The following WDR19 variants were observed in gnomAD, a reference collection of about 807,000 sequenced individuals.
The protein encoded by WDR19 is WD repeat-containing protein 19.
Under a neutral mutation model 180.0 loss-of-function variants are expected in WDR19, and 121 were observed. That is an observed-to-expected ratio of 0.67 (90% CI 0.58 to 0.78). WDR19 has a LOEUF of 0.78. Among genes scored for constraint, WDR19 ranks in the 30% least tolerant of loss-of-function variants. WDR19 has a pLI of 0.00. For synonymous variants in WDR19, 497 were observed against 540.7 expected (o/e 0.92, Z 1.12); for missense variants, 1,450 against 1,640.7 (o/e 0.88, Z 2.01).
rs1000516079 is a variant in WDR19 at position 39,253,251 on chromosome 4, T to C, written c.2835T>C (p.Val945=). The change falls in exon 25 of 37, where the codon GTT becomes GTC. Residue 945 remains valine, a synonymous_variant. Coordinates refer to ENST00000399820, the MANE Select transcript of WDR19 (RefSeq NM_025132.4). ...LNNPEKAVNI[V]RETQSLDGAK... is the part of the protein sequence containing the mutation. ...ATCCTGAAAAAGCTGTCAATATTGT[T>C]AGAGAGACCCAGTCTCTGGATGGAG... The C allele has an allele frequency of 1.2e-6, 2 of 1,613,396 alleles. No individual in the cohort carries two copies. The highest frequency in any genetic ancestry group is 2.7e-5 in the African/African-American group (2 of 74,912).
intron 33 of WDR19, among the ~76,000 whole-genome samples, chr4:39,275,796 T>C (rs1405791531): frequency 2.0e-5 from 3 of 151,970 alleles, no homozygotes; most frequent in Non-Finnish European, 4.4e-5. Context: ...CAAAGAGGGA[T>C]GAAGAAAATA....
chr4:39,279,833 G>T (rs756016114), intron 36 of WDR19, among the ~76,000 whole-genome samples: 1 of 151,578 alleles, frequency 6.6e-6, no homozygotes, highest in Admixed American at 6.6e-5. Context: ...TCCCTGAGTA[G>T]CTAGGACTAC....
At chr4:39,261,718 T>C (rs1451719510) in intron 28 of WDR19, among the ~76,000 whole-genome samples, 2 of 152,210 alleles carry the variant, frequency 1.3e-5, no homozygotes, top group Non-Finnish European at 2.9e-5. Context: ...GCTGAAGGAA[T>C]GAATATTAGA....
rs12108609 is a variant in WDR19 at position 39,229,861 on chromosome 4, C to T, written c.1982+1171C>T. Among the ~76,000 whole-genome samples, 1,114 of 152,288 alleles carry T rather than the reference C, an allele frequency of 7.3e-3. 20 individuals carry two copies. The highest frequency in any genetic ancestry group is 0.025 in the African/African-American group (1,050 of 41,542). On this transcript the variant is annotated intron_variant, in intron 17 of 36. Transcript: ENST00000399820. The stretch of plus-strand genomic sequence containing the variant: ...TTTCTAAAACTGAACTCATCAATTT[C>T]CACAGGCCCCTATTTTCCCTCACTG...
At chr4:39,229,792 C>T (rs1730651122) in intron 17 of WDR19, among the ~76,000 whole-genome samples, 1 of 152,188 alleles carries the variant, frequency 6.6e-6, no homozygotes, top group Non-Finnish European at 1.5e-5. Context: ...AACTACCTTC[C>T]AGTCATGTGT....
intron 12 of WDR19, among the ~76,000 whole-genome samples, chr4:39,216,536 C>T (rs1577902259): frequency 6.6e-6 from 1 of 152,172 alleles, no homozygotes; most frequent in East Asian, 1.9e-4. Context: ...GAGCCTTACT[C>T]ATCTGGAAAA....
At chr4:39,184,162 T>C (rs558070237) in intron 1 of WDR19, among the ~76,000 whole-genome samples, 11 of 152,264 alleles carry the variant, frequency 7.2e-5, no homozygotes, top group South Asian at 2.1e-4. Context: ...ATCCCAGCAC[T>C]TTGGGACGCC....
chr4:39,281,870 G>A (rs1393144335), intron 36 of WDR19, among the ~76,000 whole-genome samples: 1 of 152,100 alleles, frequency 6.6e-6, no homozygotes, highest in Non-Finnish European at 1.5e-5. Flanking sequence ...CTTTGGCGGG[G>A]GGAGGATTCT....
chr4:39,199,430 T>C (rs760182023), intron 5 of WDR19, 48 bp from the exon 6 acceptor site: 42 of 1,463,040 alleles, frequency 2.9e-5, no homozygotes, highest in Non-Finnish European at 4.0e-5. Flanking sequence ...CACAGATTTT[T>C]TTCTTTGAGA....
intron 31 of WDR19, among the ~76,000 whole-genome samples, chr4:39,271,152 C>CT (rs1322090425): frequency 6.6e-6 from 1 of 152,174 alleles, no homozygotes; most frequent in African/African-American, 2.4e-5. Flanking sequence ...CTGCCTCGGC[C>CT]TCCCAAAGTG....
At position 39,204,376 on chromosome 4, in the gene WDR19, C is replaced by T. The variant is rs547715041; in HGVS notation, c.603+654C>T. Among the ~76,000 whole-genome samples the T allele has an allele frequency of 7.2e-5, 11 of 152,310 alleles. No homozygotes were observed. In the East Asian group the frequency reaches 2.1e-3, roughly 29 times the overall value. The stretch of plus-strand genomic sequence containing the variant: ...CTGGGATTACAGGCGTGAGCCACCG[C>T]ACCCGGCCAAAGTTGTAGCTTTTGG... On this transcript the variant is annotated intron_variant, in intron 7 of 36. Transcript: ENST00000399820.
intron 21 of WDR19, among the ~76,000 whole-genome samples, chr4:39,243,662 A>G (rs1732202301): frequency 6.6e-6 from 1 of 152,236 alleles, no homozygotes; most frequent in Non-Finnish European, 1.5e-5. Flanking sequence ...CCATATTTCA[A>G]ATGCCCAGTA....
intron 9 of WDR19, among the ~76,000 whole-genome samples, chr4:39,213,349 G>A (rs1383189415): frequency 6.6e-6 from 1 of 152,118 alleles, no homozygotes; most frequent in Non-Finnish European, 1.5e-5. Flanking sequence ...GTCCTTCAGT[G>A]GGTGAATGGT....
At chr4:39,237,706 T>A (rs1731518197) in intron 20 of WDR19, 1 of 152,216 alleles carries the variant, frequency 6.6e-6, no homozygotes, top group Non-Finnish European at 1.5e-5. Context: ...TCCTTATAAA[T>A]GCCTATACCA....
intron 14 of WDR19, among the ~76,000 whole-genome samples, chr4:39,224,215 A>G (rs898834004): frequency 8.5e-5 from 13 of 152,142 alleles, no homozygotes; most frequent in African/African-American, 3.1e-4. Context: ...ATTTATTAAT[A>G]GCAAAAAATT....
At chr4:39,267,554 G>T (rs1394818811) in intron 29 of WDR19, among the ~76,000 whole-genome samples, 1 of 152,216 alleles carries the variant, frequency 6.6e-6, no homozygotes, top group African/African-American at 2.4e-5. Context: ...AGAGAAAATT[G>T]ATATGCATAT....
chr4:39,218,390 T>C, intron 14 of WDR19: 1 of 401,250 alleles, frequency 2.5e-6, no homozygotes, highest in Non-Finnish European at 4.5e-6. Context: ...TGGTAGAGCC[T>C]ATTGCTCCTA....
Position 39,228,360 on chromosome 4 carries a change from AC to A in WDR19, c.1777+4del. The stretch of plus-strand genomic sequence containing the variant: ...CTTTCACAAGGACACTATACAAGGT[AC>A]TAAACCCCTTTTGTGTATATTCGCT... On this transcript the variant is annotated splice_donor_region_variant and intron_variant, in intron 16 of 36. Coordinates refer to ENST00000399820, the MANE Select transcript of WDR19 (RefSeq NM_025132.4). 1 of 1,606,494 alleles carries A rather than the reference AC, an allele frequency of 6.2e-7. No individual in the cohort carries two copies. The highest frequency in any genetic ancestry group is 8.5e-7 in the Non-Finnish European group (1 of 1,174,688).
chr4:39,277,838 G>A (rs962704093), intron 34 of WDR19, among the ~76,000 whole-genome samples: 5 of 152,166 alleles, frequency 3.3e-5, no homozygotes, highest in African/African-American at 1.2e-4. Context: ...CGGATCATTT[G>A]AGGTCAGGAG....
Sources: gnomAD v4.1 joint callset for allele counts (sites outside exome capture counted in the v4.1 genomes callset) on GRCh38, gnomAD v4.1.1 for gene constraint, MANE v1.5 for transcripts, NCBI Gene and HGNC (gene_info 2026-07-23, HGNC 2026-07-21) for gene names.